SNRNP200: variants seen among roughly 807,000 people sequenced by gnomAD.
SNRNP200 encodes U5 small nuclear ribonucleoprotein 200 kDa helicase.
A neutral mutation model predicts 255.2 loss-of-function variants in SNRNP200; 66 were observed. That is an observed-to-expected ratio of 0.26 (90% confidence interval 0.21 to 0.32). The LOEUF (loss-of-function observed/expected upper bound fraction) is 0.32. Among genes scored for constraint, SNRNP200 ranks in the 10% least tolerant of loss-of-function variants. SNRNP200 has a pLI of 1.00. For synonymous variants in SNRNP200, 939 were observed against 1,027.8 expected (o/e 0.91, Z 1.65); for missense variants, 1,585 against 2,749.8 (o/e 0.58, Z 9.47).
intron 29 of SNRNP200, among the ~76,000 whole-genome samples, chr2:96,285,705 C>G (rs1253891266): frequency 6.6e-6 from 1 of 152,226 alleles, no homozygotes; most frequent in Non-Finnish European, 1.5e-5. Context: ...TCAACACTCT[C>G]CTGCGTTTCC....
Position 96,305,546 on chromosome 2 carries a change from T to A in SNRNP200, c.-109A>T. 6.8e-7 allele frequency: 1 copy of A among 1,467,684 alleles called. No individual in the cohort carries two copies. Among genetic ancestry groups the A allele is most frequent in the East Asian group, 2.3e-5 (1 of 43,646 alleles). The allele number at this position is 1,467,684 out of a possible 1,614,324, so 90.9% of individuals were successfully genotyped here. The stretch of plus-strand genomic sequence containing the variant: ...CCGGAACGACGCAGGAAAGACGCAC[T>A]GGGGAAGGAAAAGAAACGGGTTCCC... On this transcript the variant is annotated 5_prime_UTR_variant, in exon 1 of 45. Transcript: ENST00000323853.
chr2:96,277,351 TA>T lies in SNRNP200; in HGVS notation c.5932-111del. ...CTCCTACACTATCAAGTCATCTAGA[TA>T]AAACAGCTGCAGAAAGAACACAGCC... On this transcript the variant is annotated intron_variant, in intron 41 of 44. Transcript: ENST00000323853. The surrounding 1 kb of genome is among the most constrained non-coding windows in gnomAD (Gnocchi z 4.4). The T allele has an allele frequency of 1.5e-6, 2 of 1,345,038 alleles. No homozygotes were observed. The highest frequency in any genetic ancestry group is 2.1e-6 in the Non-Finnish European group (2 of 941,698). The allele number at this position is 1,345,038 out of a possible 1,614,324, so 83.3% of individuals were successfully genotyped here.
chr2:96,284,853 G>A (rs1315405561), intron 30 of SNRNP200: 11 of 531,330 alleles, frequency 2.1e-5, no homozygotes, highest in East Asian at 3.5e-5. Flanking sequence ...GGGTTCAAGC[G>A]ATTCTCCTGC....
In SNRNP200 at chr2:96,274,762, A is replaced by G; in HGVS notation, c.*250T>C. The G allele has an allele frequency of 1.8e-6, 1 of 548,338 alleles. No individual in the cohort carries two copies. Among genetic ancestry groups the G allele is most frequent in the South Asian group, 2.1e-5 (1 of 47,696 alleles). 34.0% of individuals were successfully genotyped at this position (548,338 alleles called of 1,614,324 possible). On this transcript the variant is annotated 3_prime_UTR_variant, in exon 45 of 45. Coordinates refer to ENST00000323853, the MANE Select transcript of SNRNP200 (RefSeq NM_014014.5). ...CTACAAATTATTTTATTAGAATGTC[A>G]GACTCAAAAGAACTACCAGGAACAT...
Position 96,289,311 on chromosome 2 carries a change from C to G in SNRNP200, c.3009G>C (p.Gln1003His). 4.3e-6 allele frequency: 7 copies of G among 1,614,182 alleles called. No individual in the cohort carries two copies. Among genetic ancestry groups the G allele is most frequent in the Non-Finnish European group, 5.9e-6 (7 of 1,180,032 alleles). ...TCTCACTCAGGGTGGGCTTCAGCAG[C>G]TGGTTGTAAGTCTGCACTGTATCAT... ...ITNDTVQTYN[Q>H]LLKPTLSEIE... Residue 1003 changes from glutamine (Q) to histidine (H), a missense_variant, in exon 22 of 45, where the codon CAG (glutamine) becomes CAC (histidine). Transcript: ENST00000323853.
chr2:96,292,856 T>G, intron 16 of SNRNP200, 116 bp downstream of exon 16: 1 of 1,218,296 alleles, frequency 8.2e-7, no homozygotes, highest in Non-Finnish European at 1.2e-6. Context: ...ATAGCTGATA[T>G]TGGTGATTTA....
At chr2:96,279,340 G>C in intron 36 of SNRNP200, 111 bp downstream of exon 36, 1 of 796,106 alleles carries the variant, frequency 1.3e-6, no homozygotes, top group Non-Finnish European at 2.1e-6. Flanking sequence ...GTGTAAATAA[G>C]AGAGGCAGAA....
At position 96,283,797 on chromosome 2, in the gene SNRNP200, G is replaced by C. The variant is rs1452234431; in HGVS notation, c.4584+16C>G. 1 of 1,613,712 alleles carries C rather than the reference G, an allele frequency of 6.2e-7. No homozygotes were observed. The highest frequency in any genetic ancestry group is 8.5e-7 in the Non-Finnish European group (1 of 1,179,748). On this transcript the variant is annotated intron_variant, in intron 32 of 44. Coordinates refer to ENST00000323853, the MANE Select transcript of SNRNP200 (RefSeq NM_014014.5). The surrounding 1 kb of genome is among the most constrained non-coding windows in gnomAD (Gnocchi z 4.7). ...TATGTGACACCCCACAGACGGATGA[G>C]GAGAGTGGGTCCTACCTGGATGTGC...
intron 35 of SNRNP200, chr2:96,281,524 T>G: frequency 1.0e-5 from 4 of 398,502 alleles, no homozygotes; most frequent in South Asian, 2.1e-5. Context: ...CCAAGTCACT[T>G]TTCCTAATCT....
rs942520828 is a variant in SNRNP200 at position 96,297,536 on chromosome 2, C to A, written c.1204G>T (p.Ala402Ser). 2.5e-6 allele frequency: 4 copies of A among 1,613,978 alleles called. No homozygotes were observed. The highest frequency in any genetic ancestry group is 3.4e-6 in the Non-Finnish European group (4 of 1,180,020). ...TCCAGAACCTGCCGTGGAGCCAGTG[C>A]CTGGGAATGTGAAAGACAAAAACAC... Reference protein sequence around the residue: ...ETMDLDQGGEALAPRQVLDLE... With the variant: ...ETMDLDQGGESLAPRQVLDLE... Residue 402 changes from alanine (A) to serine (S), a missense_variant and splice_region_variant, in exon 11 of 45, where the codon GCA (alanine) becomes TCA (serine). Physicochemically the swap from Ala to Ser is moderately conservative, Grantham distance 99 (BLOSUM62 1). This residue lies in a region of SNRNP200 where 383 missense variants were observed against 645.3 expected (regional missense o/e 0.59). Coordinates refer to ENST00000323853, the MANE Select transcript of SNRNP200 (RefSeq NM_014014.5).
Position 96,305,528 on chromosome 2 carries a change from G to A in SNRNP200, c.-91C>T. 1.3e-6 allele frequency: 2 copies of A among 1,569,746 alleles called. No individual in the cohort carries two copies. The highest frequency in any genetic ancestry group is 8.7e-7 in the Non-Finnish European group (1 of 1,145,274). ...ATCTCTGCTCCCGCCGCGCCGGAACGACGCAGGAAAGACGCACTGGGGAAG... is the reference window on the plus strand; with the variant it reads ...ATCTCTGCTCCCGCCGCGCCGGAACAACGCAGGAAAGACGCACTGGGGAAG... On this transcript the variant is annotated 5_prime_UTR_variant, in exon 1 of 45. Coordinates refer to ENST00000323853, the MANE Select transcript of SNRNP200 (RefSeq NM_014014.5).
chr2:96,301,861 G>A, intron 3 of SNRNP200, 145 bp from the exon 4 acceptor site: 1 of 827,162 alleles, frequency 1.2e-6, no homozygotes. Context: ...CATTAATGCT[G>A]ATGCCACAAC....
intron 2 of SNRNP200, 24 bp from the exon 3 acceptor site, chr2:96,303,354 T>A (rs1338259651): frequency 6.2e-7 from 1 of 1,613,904 alleles, no homozygotes; most frequent in Non-Finnish European, 8.5e-7. Flanking sequence ...AATGTGATAT[T>A]GAATGGCAGA....
chr2:96,302,708 T>A (rs1445721483), intron 3 of SNRNP200, among the ~76,000 whole-genome samples: 1 of 152,236 alleles, frequency 6.6e-6, no homozygotes, highest in African/African-American at 2.4e-5. Context: ...TATACAGCTA[T>A]AAATCGAGGT....
rs2063822917 is a variant in SNRNP200, at chr2:96,283,684, G to A, written c.4614C>T (p.Arg1538=). ...ACACAGGCTTGGCCATGGAGAGCAG[G>A]CGGGTTTGTGTATGGCTGATGTTGA... ...QGFNISHTQT[R]LLSMAKPVYH... The change falls in exon 33 of 45, where the codon CGC becomes CGT. Residue 1538 remains arginine (R), a synonymous_variant. Coordinates refer to ENST00000323853, the MANE Select transcript of SNRNP200 (RefSeq NM_014014.5). This position sits in a 1 kb window ranked among gnomAD's most constrained non-coding sequence, Gnocchi z 4.7. The A allele has an allele frequency of 6.2e-7, 1 of 1,614,132 alleles. No individual in the cohort carries two copies. Among genetic ancestry groups the A allele is most frequent in the Non-Finnish European group, 8.5e-7 (1 of 1,180,046 alleles).
intron 10 of SNRNP200, 46 bp from the exon 11 acceptor site, chr2:96,297,582 G>T: frequency 6.2e-7 from 1 of 1,614,130 alleles, no homozygotes; most frequent in Non-Finnish European, 8.5e-7. Flanking sequence ...AGCAAGCCGA[G>T]CAAGTGAGTT....
chr2:96,279,603 G>A (rs778204646), intron 35 of SNRNP200, 44 bp from the exon 36 acceptor site: 29 of 1,306,880 alleles, frequency 2.2e-5, no homozygotes, highest in African/African-American at 5.8e-5. Flanking sequence ...ACCTCAACAC[G>A]GAGACCATGC....
At position 96,291,773 on chromosome 2, in the gene SNRNP200, C is replaced by T. The variant is rs775451793; in HGVS notation, c.2288G>A (p.Arg763Gln). 2 of 1,614,132 alleles carry T rather than the reference C, an allele frequency of 1.2e-6. No homozygotes were observed. The highest frequency in any genetic ancestry group is 1.7e-6 in the Non-Finnish European group (2 of 1,180,036). The part of the protein sequence containing the change: ...REGSASTEVL[R>Q]TEAEQCKNLE... Reference sequence around the variant, plus strand: ...CACCTTGCACTGCTCAGCTTCTGTTCGCAGGACTTCTGTGGAGGCTGAGCC... The same window carrying T: ...CACCTTGCACTGCTCAGCTTCTGTTTGCAGGACTTCTGTGGAGGCTGAGCC... The change falls in exon 17 of 45, where the codon CGA (arginine) becomes CAA (glutamine). Residue 763 changes from arginine to glutamine, a missense_variant. By Grantham distance (43) the Arg-to-Gln change is conservative. Around this residue, in one of 9 missense-constraint regions of SNRNP200, gnomAD observed 140 missense variants for 274.9 expected, o/e 0.51. Coordinates refer to ENST00000323853, the MANE Select transcript of SNRNP200 (RefSeq NM_014014.5). The surrounding 1 kb of genome is among the most constrained non-coding windows in gnomAD (Gnocchi z 4.2).
At chr2:96,282,373 T>C (rs1222204800) in intron 34 of SNRNP200, 4 of 205,218 alleles carry the variant, frequency 1.9e-5, no homozygotes, top group East Asian at 1.1e-4. Context: ...ATAAACAGTA[T>C]TAAAACGTAA....
Sources: gnomAD v4.1 joint callset for allele counts (sites outside exome capture counted in the v4.1 genomes callset) on GRCh38, gnomAD v4.1.1 for gene constraint, gnomAD v4.1.1 regional missense constraint, Gnocchi (gnomAD v3.1) non-coding constraint, MANE v1.5 for transcripts, NCBI Gene and HGNC (gene_info 2026-07-23, HGNC 2026-07-21) for gene names.